The following FAM186B variants were observed in gnomAD, a reference collection of about 807,000 sequenced individuals.
FAM186B encodes protein FAM186B.
FAM186B carries 68 observed loss-of-function variants against 83.4 expected under a neutral mutation model. That is an observed-to-expected ratio of 0.81 (90% confidence interval 0.67 to 1.00). The LOEUF (loss-of-function observed/expected upper bound fraction) is 1.00, where lower values mean the gene tolerates loss of function less well. Among genes scored for constraint, FAM186B ranks in the 50% least tolerant of loss-of-function variants. The probability of loss-of-function intolerance (pLI) is 0.00; values close to 1 mark genes in which losing one functional copy is unlikely to be tolerated. For synonymous variants in FAM186B, 389 were observed against 422.0 expected, an observed-to-expected ratio of 0.92 and a Z score of 0.96; for missense variants, 983 against 1,099.2, an observed-to-expected ratio of 0.89 and a Z score of 1.49.
chr12:49,602,689 A>G (rs976346473), intron 3 of FAM186B, among the ~76,000 whole-genome samples: 4 of 152,140 alleles, frequency 2.6e-5, no homozygotes, highest in Admixed American at 6.5e-5. Flanking sequence ...CTGAGCTTCA[A>G]TGTTCTCATC....
At position 49,587,519 on chromosome 12, in the gene FAM186B, G is replaced by T; in HGVS notation, c.*86C>A. 6.5e-7 allele frequency: 1 copy of T among 1,547,946 alleles called. No homozygotes were observed. Among genetic ancestry groups the T allele is most frequent in the Non-Finnish European group, 8.9e-7 (1 of 1,120,036 alleles). ...TGAGGTCATTGTTAAAGCCTGGAGA[G>T]AGATTTATTGGGGAGAATCCACATT... On this transcript the variant is annotated 3_prime_UTR_variant, in exon 7 of 7. Transcript: ENST00000257894.
chr12:49,614,094 G>A, the FAM186B span, among the ~76,000 whole-genome samples: 1 of 151,050 alleles, frequency 6.6e-6, no homozygotes, highest in East Asian at 1.9e-4. Context: ...AGGTTGCAGT[G>A]AGCTGAGATT....
chr12:49,588,672 C>T (rs777623203), intron 5 of FAM186B, 49 bp from the exon 6 acceptor site: 1 of 1,524,068 alleles, frequency 6.6e-7, no homozygotes, highest in South Asian at 1.3e-5. Context: ...GTTATCTCCT[C>T]TCTAGGTCGT....
downstream of FAM186B, chr12:49,584,675 A>G: frequency 2.9e-6 from 2 of 700,724 alleles, no homozygotes; most frequent in South Asian, 3.0e-5. Flanking sequence ...AGGCCATGTG[A>G]GTGCCATCCC....
At chr12:49,588,928 G>A (rs1592543164) in intron 5 of FAM186B, among the ~76,000 whole-genome samples, 1 of 152,222 alleles carries the variant, frequency 6.6e-6, no homozygotes, top group East Asian at 1.9e-4. Context: ...CATGAGAGCA[G>A]CTCCAGGCAG....
chr12:49,603,139 A>AC, intron 3 of FAM186B, 46 bp downstream of exon 3: 1 of 1,606,460 alleles, frequency 6.2e-7, no homozygotes, highest in East Asian at 2.2e-5. Flanking sequence ...CCATGGCTCC[A>AC]CCCCGTCCCC....
In FAM186B at chr12:49,594,894, G is replaced by T. The variant is rs377441412; in HGVS notation, c.2364+3861C>A. On this transcript the variant is annotated intron_variant, in intron 5 of 6. Coordinates refer to ENST00000257894, the MANE Select transcript of FAM186B (RefSeq NM_032130.3). ...TGTCTCAAAAAAAAAAAAAAGGAATGCCGCAGACTGAAAGATAATATCCAC... is the reference window on the plus strand; with the variant it reads ...TGTCTCAAAAAAAAAAAAAAGGAATTCCGCAGACTGAAAGATAATATCCAC... 4.0e-5 allele frequency among the ~76,000 whole-genome samples: 6 copies of T among 151,388 alleles called. No homozygotes were observed. In the East Asian group the frequency reaches 9.7e-4, roughly 24 times the overall value.
chr12:49,599,376 C>G, intron 4 of FAM186B, 93 bp downstream of exon 4: 1 of 1,443,018 alleles, frequency 6.9e-7, no homozygotes. Flanking sequence ...TCCCCATCCC[C>G]CCTTGCCCTG....
chr12:49,584,344 G>A, downstream of FAM186B: 1 of 598,368 alleles, frequency 1.7e-6, no homozygotes, highest in Non-Finnish European at 3.0e-6. Context: ...GGGAAGCAGT[G>A]TTTCTCAAAG....
At chr12:49,620,060 G>T in the FAM186B span, among the ~76,000 whole-genome samples, 1 of 152,044 alleles carries the variant, frequency 6.6e-6, no homozygotes. Flanking sequence ...TGTGAATACT[G>T]GCCTTCTTTC....
chr12:49,599,744 A>G lies in FAM186B; in HGVS notation c.1896T>C (p.Ser632=). The stretch of plus-strand genomic sequence containing the variant: ...ATGTCCCAGTGACAGGAAAGGAGGC[A>G]GATTTCTTGGGCTTTGTGGGAACTC... ...TRRVPTKPKK[S]ASFPVTGTSI... The change falls in exon 4 of 7, where the codon TCT becomes TCC. Residue 632 remains serine (S), a synonymous_variant. Transcript: ENST00000257894. 1 of 1,614,118 alleles carries G rather than the reference A, an allele frequency of 6.2e-7. No homozygotes were observed. Among genetic ancestry groups the G allele is most frequent in the Non-Finnish European group, 8.5e-7 (1 of 1,179,994 alleles).
rs568635092 is a variant in FAM186B, at chr12:49,599,344, C to A, written c.2171+125G>T. 4.0e-5 allele frequency: 56 copies of A among 1,389,198 alleles called. No individual in the cohort carries two copies. The African/African-American group carries it at 7.6e-4, about 19-fold the overall frequency. 86.1% of individuals were successfully genotyped at this position (1,389,198 alleles called of 1,614,324 possible). A position where few individuals can be genotyped will look rare whatever the true frequency, so the allele number is the denominator to read the frequency against. On this transcript the variant is annotated intron_variant, in intron 4 of 6. Transcript: ENST00000257894. ...TTTCCAGGCCCCCACTCAGGAGACCCTGTCCAGGCCTGGGGTGGCTCTCCC... is the reference window on the plus strand; with the variant it reads ...TTTCCAGGCCCCCACTCAGGAGACCATGTCCAGGCCTGGGGTGGCTCTCCC...
At chr12:49,584,317 G>C, downstream of FAM186B, 8 of 584,266 alleles carry the variant, frequency 1.4e-5, no homozygotes. Flanking sequence ...AAAATGTAGA[G>C]TTTGGGGACT....
upstream of FAM186B, among the ~76,000 whole-genome samples, chr12:49,610,310 A>G (rs1484422046): frequency 1.3e-5 from 2 of 152,236 alleles, no homozygotes; most frequent in African/African-American, 4.8e-5. Flanking sequence ...GGATCGCACT[A>G]GATGTCTAGT....
intron 2 of FAM186B, 49 bp from the exon 3 acceptor site, chr12:49,603,416 G>A (rs1565813092): frequency 1.9e-6 from 3 of 1,593,324 alleles, no homozygotes; most frequent in Admixed American, 1.7e-5. Context: ...GTCCTCCAGG[G>A]GGACACAGAC....
the FAM186B span, among the ~76,000 whole-genome samples, chr12:49,616,721 G>A: frequency 3.9e-5 from 6 of 152,220 alleles, no homozygotes; most frequent in Non-Finnish European, 7.3e-5. Context: ...GGTCAGCAGG[G>A]AGGAGACTGA....
At chr12:49,619,731 A>C in the FAM186B span, 4 of 316,530 alleles carry the variant, frequency 1.3e-5, no homozygotes, top group Non-Finnish European at 2.2e-5. Flanking sequence ...GCTAGAGTGC[A>C]GTGGCACAAT....
chr12:49,602,128 C>T (rs753727386), intron 3 of FAM186B, among the ~76,000 whole-genome samples: 16 of 152,090 alleles, frequency 1.1e-4, no homozygotes, highest in Non-Finnish European at 1.8e-4. Flanking sequence ...TGTCATAGGA[C>T]TTAGATTATG....
intron 5 of FAM186B, chr12:49,595,528 A>C: frequency 2.2e-6 from 1 of 463,464 alleles, no homozygotes; most frequent in Non-Finnish European, 4.3e-6. Context: ...GATGAATGGA[A>C]GCCATTACAC....
Sources: allele counts gnomAD v4.1 joint callset (sites outside exome capture counted in the v4.1 genomes callset), GRCh38; gene constraint gnomAD v4.1.1; transcripts MANE v1.5; gene names NCBI Gene and HGNC (gene_info 2026-07-23, HGNC 2026-07-21).